The following STK31 variants were observed in gnomAD, a reference collection of about 807,000 sequenced individuals.
STK31 encodes serine/threonine-protein kinase 31.
A neutral mutation model predicts 129.7 loss-of-function variants in STK31; 89 were observed. The ratio of observed to expected loss-of-function variants is 0.69; its 90% CI spans 0.58 to 0.82. The LOEUF is 0.82. Ranked by LOEUF, STK31 falls within the 40% of genes least tolerant of loss-of-function variation. STK31 has a pLI of 0.00. For missense variants in STK31, 1,187 were observed against 1,176.4 expected (o/e 1.01, Z -0.13); for synonymous variants, 448 against 395.3 (o/e 1.13, Z -1.58).
chr7:23,808,163 A>ATT (rs1245283914), intron 22 of STK31, among the ~76,000 whole-genome samples: 196 of 118,612 alleles, frequency 1.7e-3, no homozygotes, highest in African/African-American at 5.4e-3. Context: ...ATATATATAT[A>ATT]TATATATTTT....
intron 15 of STK31, among the ~76,000 whole-genome samples, chr7:23,779,326 A>T (rs1425236252): frequency 6.6e-6 from 1 of 152,138 alleles, no homozygotes; most frequent in African/African-American, 2.4e-5. Flanking sequence ...TCAGGGACCC[A>T]CTTGAGGAGG....
intron 6 of STK31, among the ~76,000 whole-genome samples, chr7:23,729,511 G>GTTTTTTT (rs72476098): frequency 8.2e-6 from 1 of 121,740 alleles, no homozygotes; most frequent in Non-Finnish European, 1.7e-5. Context: ...GTCTCTTTTT[G>GTTTTTTT]TTTTTTTTTT....
Position 23,790,909 on chromosome 7 carries a change from G to T in STK31, c.2723G>T (p.Gly908Val). ...AAAATGGGAAAACCTGCTTCTCCAG[G>T]TTCAGACTTATATGCTTATGGCTGC... is the stretch of plus-strand genomic sequence containing the variant. Reference protein sequence around the residue: ...ELKMGKPASPGSDLYAYGCLL... With the variant: ...ELKMGKPASPVSDLYAYGCLL... Residue 908 changes from glycine (G) to valine (V), a missense_variant, in exon 22 of 24, where the codon GGT becomes GTT. This residue lies in a region of STK31 where 975 missense variants were observed against 934.9 expected (regional missense o/e 1.04). Coordinates refer to ENST00000355870, the MANE Select transcript of STK31 (RefSeq NM_031414.5). 6.2e-7 allele frequency: 1 copy of T among 1,606,490 alleles called. No individual in the cohort carries two copies. Among genetic ancestry groups the T allele is most frequent in the South Asian group, 1.1e-5 (1 of 89,756 alleles).
Position 23,781,531 on chromosome 7 carries a change from G to A in STK31, c.2067+11G>A. The stretch of plus-strand genomic sequence containing the variant: ...GAGAGAGAGGAATATGTAAGTATTT[G>A]GTTCTTTGAAGTTTTACATTAGGTT... On this transcript the variant is annotated intron_variant, in intron 16 of 23. Transcript: ENST00000355870. 1 of 1,584,324 alleles carries A rather than the reference G, an allele frequency of 6.3e-7. No homozygotes were observed.
chr7:23,714,736 A>G (rs764353909), intron 3 of STK31, among the ~76,000 whole-genome samples: 1 of 152,054 alleles, frequency 6.6e-6, no homozygotes, highest in African/African-American at 2.4e-5. Context: ...AGTTTACTTT[A>G]TTTGTGAATA....
chr7:23,792,004 T>C (rs1348669725), intron 22 of STK31, among the ~76,000 whole-genome samples: 1 of 152,200 alleles, frequency 6.6e-6, no homozygotes, highest in Non-Finnish European at 1.5e-5. Flanking sequence ...GTGCATGAAA[T>C]AGTATTCCTT....
intron 17 of STK31, among the ~76,000 whole-genome samples, chr7:23,784,500 C>A (rs1439093161): frequency 2.0e-5 from 3 of 152,204 alleles, no homozygotes; most frequent in African/African-American, 7.2e-5. Context: ...TGTACTGCCA[C>A]ATGGGACTTG....
intron 8 of STK31, among the ~76,000 whole-genome samples, chr7:23,747,960 T>C (rs917847593): frequency 2.0e-5 from 3 of 152,188 alleles, no homozygotes; most frequent in Admixed American, 6.5e-5. Context: ...TGTTTTCAAA[T>C]TGATTGATTT....
intron 23 of STK31, among the ~76,000 whole-genome samples, chr7:23,825,627 T>G (rs1022160053): frequency 1.3e-5 from 2 of 152,238 alleles, no homozygotes; most frequent in Non-Finnish European, 2.9e-5. Flanking sequence ...TAGTTATTTC[T>G]TGCCTTCTGC....
At chr7:23,777,413 A>G (rs994834057) in intron 15 of STK31, among the ~76,000 whole-genome samples, 5 of 152,042 alleles carry the variant, frequency 3.3e-5, no homozygotes, top group Admixed American at 2.0e-4. Context: ...GTCTAGTCTA[A>G]TACTGACAGT....
At chr7:23,758,272 T>C (rs1408882359) in intron 10 of STK31, among the ~76,000 whole-genome samples, 3 of 152,222 alleles carry the variant, frequency 2.0e-5, no homozygotes, top group African/African-American at 7.2e-5. Context: ...GTGTTTATAG[T>C]ATTCTGTGAT....
intron 11 of STK31, among the ~76,000 whole-genome samples, chr7:23,763,936 AC>A (rs368767362): frequency 4.0e-4 from 61 of 152,290 alleles, no homozygotes; most frequent in African/African-American, 1.2e-3. Flanking sequence ...TACTAAGCTG[AC>A]CAGTAGCTAA....
At chr7:23,767,608 G>A (rs976363230) in intron 11 of STK31, among the ~76,000 whole-genome samples, 14 of 152,262 alleles carry the variant, frequency 9.2e-5, no homozygotes, top group African/African-American at 3.4e-4. Flanking sequence ...GAGAAGTGAA[G>A]GAAAGAGAAT....
chr7:23,786,288 T>C (rs1437739611), intron 18 of STK31, among the ~76,000 whole-genome samples: 1 of 152,120 alleles, frequency 6.6e-6, no homozygotes, highest in Non-Finnish European at 1.5e-5. Flanking sequence ...TGGCCTTAGT[T>C]GCTACACATT....
chr7:23,735,895 A>G lies in STK31; in HGVS notation c.841A>G (p.Lys281Glu), dbSNP rs148260026. The stretch of plus-strand genomic sequence containing the variant: ...TGCAGGCAATCTTATAACATTTCCA[A>G]AGTAAGAATTTAGTCTTCACTAATT... ...NDAGNLITFP[K>E]ESLAVGDFNL... Residue 281 changes from lysine to glutamate, a missense_variant and splice_region_variant, in exon 7 of 24, where the codon AAG (lysine) becomes GAG (glutamate). By Grantham distance (56) the Lys-to-Glu change is moderately conservative. Coordinates refer to ENST00000355870, the MANE Select transcript of STK31 (RefSeq NM_031414.5). 4 of 1,565,258 alleles carry G rather than the reference A, an allele frequency of 2.6e-6. No homozygotes were observed. In the African/African-American group the frequency reaches 5.5e-5, roughly 22 times the overall value.
At chr7:23,800,729 C>G (rs1313959285) in intron 22 of STK31, among the ~76,000 whole-genome samples, 1 of 151,262 alleles carries the variant, frequency 6.6e-6, no homozygotes, top group Non-Finnish European at 1.5e-5. Context: ...CACGTGTATC[C>G]CAGAACTTAA....
At chr7:23,794,143 T>C (rs1355154449) in intron 22 of STK31, among the ~76,000 whole-genome samples, 1 of 152,204 alleles carries the variant, frequency 6.6e-6, no homozygotes, top group Non-Finnish European at 1.5e-5. Flanking sequence ...AAGGTTTGGC[T>C]GTGTCTCCAC....
intron 10 of STK31, 39 bp from the exon 11 acceptor site, chr7:23,762,762 G>A: frequency 6.2e-7 from 1 of 1,601,034 alleles, no homozygotes; most frequent in Non-Finnish European, 8.5e-7. Context: ...GAAAAGACCT[G>A]ATGTATTAAT....
chr7:23,730,953 C>T lies in STK31; in HGVS notation c.483+1704C>T, dbSNP rs1302918184. Among the ~76,000 whole-genome samples the T allele has an allele frequency of 9.3e-5, 13 of 139,484 alleles. 1 individual carries two copies. In the East Asian group the frequency reaches 1.9e-3, roughly 21 times the overall value. The allele number at this position is 139,484 out of a possible 152,430, so 91.5% of individuals were successfully genotyped here. A position where few individuals can be genotyped will look rare whatever the true frequency, so the allele number is the denominator to read the frequency against. Reference sequence around the variant, plus strand: ...AGGCTGGAGTGCAATGGCATGATCTCGGCTCACTGCAACCTCCGCCTCTTG... The same window carrying T: ...AGGCTGGAGTGCAATGGCATGATCTTGGCTCACTGCAACCTCCGCCTCTTG... On this transcript the variant is annotated intron_variant, in intron 6 of 23. Transcript: ENST00000355870.
Sources: gnomAD v4.1 joint callset for allele counts (sites outside exome capture counted in the v4.1 genomes callset) on GRCh38, gnomAD v4.1.1 for gene constraint, gnomAD v4.1.1 regional missense constraint, MANE v1.5 for transcripts, NCBI Gene and HGNC (gene_info 2026-07-23, HGNC 2026-07-21) for gene names.